The following HDAC8 variants were observed in gnomAD, a reference collection of about 807,000 sequenced individuals.
HDAC8 encodes histone deacetylase 8.
A neutral mutation model predicts 32.2 loss-of-function variants in HDAC8; 1 was observed. The ratio of observed to expected loss-of-function variants is 0.03; its 90% CI spans 0.01 to 0.15. HDAC8 has a LOEUF of 0.15. Ranked by LOEUF, HDAC8 falls within the 10% of genes least tolerant of loss-of-function variation. The probability of loss-of-function intolerance (pLI) is 1.00; values close to 1 mark genes in which losing one functional copy is unlikely to be tolerated. For missense variants in HDAC8, 117 were observed against 300.0 expected (o/e 0.39, Z 4.51); for synonymous variants, 108 against 113.9 (o/e 0.95, Z 0.33).
intron 4 of HDAC8, among the ~76,000 whole-genome samples, chrX:72,500,480 G>A (rs1222983959): frequency 1.8e-5 from 2 of 111,662 alleles, no homozygotes; most frequent in African/African-American, 3.3e-5. Context: ...CAATATATGC[G>A]AATCAATAAA....
chrX:72,396,653 G>C (rs2045770932), intron 9 of HDAC8, among the ~76,000 whole-genome samples: 1 of 110,675 alleles, frequency 9.0e-6, no homozygotes, highest in Admixed American at 9.6e-5. Context: ...AGTTCAGTTA[G>C]ATGAGAGGAG....
intron 9 of HDAC8, among the ~76,000 whole-genome samples, chrX:72,444,895 G>C (rs1256478869): frequency 1.9e-5 from 2 of 106,465 alleles, no homozygotes; most frequent in African/African-American, 6.9e-5. Flanking sequence ...ACCAATAACA[G>C]ACAGAGAGCC....
At chrX:72,520,822 T>C (rs1418492340) in intron 4 of HDAC8, among the ~76,000 whole-genome samples, 1 of 112,580 alleles carries the variant, frequency 8.9e-6, no homozygotes, top group African/African-American at 3.2e-5. Context: ...TTGTTTTTCA[T>C]GATAATGGCT....
At chrX:72,473,993 A>G (rs936949921) in intron 7 of HDAC8, 3 of 621,451 alleles carry the variant, frequency 4.8e-6, no homozygotes, top group Non-Finnish European at 5.8e-6. Flanking sequence ...TTCTTTGTAC[A>G]TAGCTCAGTC....
intron 9 of HDAC8, among the ~76,000 whole-genome samples, chrX:72,447,791 A>G (rs1257965508): frequency 8.9e-6 from 1 of 111,811 alleles, no homozygotes; most frequent in African/African-American, 3.2e-5. Context: ...CTATACATCA[A>G]CAACAGACAG....
Position 72,455,357 on chromosome X carries a change from T to C in HDAC8, c.1005+6647A>G, listed in dbSNP as rs186544688. Among the ~76,000 whole-genome samples, 153 of 112,043 alleles carry C rather than the reference T, an allele frequency of 1.4e-3. 1 individual carries two copies. Among genetic ancestry groups the C allele is most frequent in the Non-Finnish European group, 2.5e-3 (132 of 53,207 alleles). ...ACTAAAAAGTATTAATTTTATTAAA[T>C]CCTGATGCTGGATTTAATATTCTGT... On this transcript the variant is annotated intron_variant, in intron 9 of 10. Transcript: ENST00000373573.
At chrX:72,507,055 C>T (rs1187197785) in intron 4 of HDAC8, among the ~76,000 whole-genome samples, 1 of 110,322 alleles carries the variant, frequency 9.1e-6, no homozygotes, top group Non-Finnish European at 1.9e-5. Context: ...TGCCATGTTG[C>T]CCAGGCTGGC....
intron 4 of HDAC8, among the ~76,000 whole-genome samples, chrX:72,517,160 G>A (rs1476242909): frequency 9.0e-6 from 1 of 111,664 alleles, no homozygotes; most frequent in Non-Finnish European, 1.9e-5. Flanking sequence ...GTTTTAATTT[G>A]CATTTTTCTA....
chrX:72,436,616 A>G (rs1416625890), intron 9 of HDAC8, among the ~76,000 whole-genome samples: 1 of 110,737 alleles, frequency 9.0e-6, no homozygotes, highest in African/African-American at 3.3e-5. Flanking sequence ...TAAAAGAAAA[A>G]AAAGAGCATC....
intron 4 of HDAC8, among the ~76,000 whole-genome samples, chrX:72,532,134 T>C (rs2050361619): frequency 9.0e-6 from 1 of 111,229 alleles, no homozygotes; most frequent in Admixed American, 9.6e-5. Context: ...CAGGCTAGCA[T>C]GCACTGGCAA....
At chrX:72,358,583 C>G (rs1436681460) in intron 9 of HDAC8, among the ~76,000 whole-genome samples, 1 of 111,705 alleles carries the variant, frequency 9.0e-6, no homozygotes, top group East Asian at 2.8e-4. Flanking sequence ...CTATTCGGAA[C>G]AGTATGCAAT....
chrX:72,403,806 G>C (rs181768087), intron 9 of HDAC8, among the ~76,000 whole-genome samples: 88 of 111,203 alleles, frequency 7.9e-4, no homozygotes, highest in African/African-American at 2.7e-3. Flanking sequence ...CGGCCTGGGC[G>C]ACAGAGCCAG....
intron 9 of HDAC8, among the ~76,000 whole-genome samples, chrX:72,392,389 G>A (rs1224198734): frequency 9.0e-6 from 1 of 111,580 alleles, no homozygotes; most frequent in Non-Finnish European, 1.9e-5. Context: ...TACACCAGAA[G>A]CCACCTGAAA....
intron 9 of HDAC8, among the ~76,000 whole-genome samples, chrX:72,403,022 C>T (rs1027920323): frequency 9.0e-6 from 1 of 111,277 alleles, no homozygotes; most frequent in African/African-American, 3.3e-5. Context: ...TTACTTTTAA[C>T]CTATTTGCAT....
Position 72,478,957 on chromosome X carries a change from C to T in HDAC8, c.737+9976G>A, listed in dbSNP as rs782768219. On this transcript the variant is annotated intron_variant, in intron 7 of 10. Coordinates refer to ENST00000373573, the MANE Select transcript of HDAC8 (RefSeq NM_018486.3). ...CCGGTGTGAGCCACTGTGCTCGGCC[C>T]TTTAGTTCTTCTTTAAGTACCAATG... Among the ~76,000 whole-genome samples the T allele has an allele frequency of 2.7e-5, 3 of 111,301 alleles. No homozygotes were observed. The East Asian group carries it at 8.5e-4, about 31-fold the overall frequency.
chrX:72,441,819 C>T (rs1205828972), intron 9 of HDAC8, among the ~76,000 whole-genome samples: 1 of 111,383 alleles, frequency 9.0e-6, no homozygotes, highest in African/African-American at 3.3e-5. Context: ...ACTAGAATAA[C>T]CAATACAGAG....
At chrX:72,481,204 GA>G (rs1333712891) in intron 7 of HDAC8, among the ~76,000 whole-genome samples, 3 of 111,068 alleles carry the variant, frequency 2.7e-5, no homozygotes, top group African/African-American at 9.8e-5. Flanking sequence ...GTGAAGGGGG[GA>G]AAGCCCCTTA....
rs1427408802 is a variant in HDAC8, at chrX:72,443,587, A to G, written c.1005+18417T>C. Among the ~76,000 whole-genome samples, 11 of 111,827 alleles carry G rather than the reference A, an allele frequency of 9.8e-5. No individual in the cohort carries two copies. The East Asian group carries it at 3.1e-3, about 32-fold the overall frequency. ...AAATGCCCACAAGAGAAAGTAGGAA[A>G]GATCCAAAATTGACACCCTAACATC... On this transcript the variant is annotated intron_variant, in intron 9 of 10. Transcript: ENST00000373573.
chrX:72,359,686 C>CAAT (rs1206180348), intron 9 of HDAC8, among the ~76,000 whole-genome samples: 2 of 110,662 alleles, frequency 1.8e-5, no homozygotes, highest in Admixed American at 1.9e-4. Flanking sequence ...GAGGCACCTG[C>CAAT]AATAGTACAA....
Sources: gnomAD v4.1 joint callset for allele counts (sites outside exome capture counted in the v4.1 genomes callset) on GRCh38, gnomAD v4.1.1 for gene constraint, MANE v1.5 for transcripts, NCBI Gene and HGNC (gene_info 2026-07-23, HGNC 2026-07-21) for gene names.